The following PCYT1B variants were observed in gnomAD, a reference collection of about 807,000 sequenced individuals.
PCYT1B encodes phosphate cytidylyltransferase 1B, choline.
Under a neutral mutation model 26.4 loss-of-function variants are expected in PCYT1B, and 10 were observed. The observed-to-expected ratio is 0.38, with a 90% confidence interval of 0.23 to 0.64. The LOEUF (loss-of-function observed/expected upper bound fraction) is 0.64, where lower values mean the gene tolerates loss of function less well. PCYT1B is among the 30% of genes least tolerant of loss of function. The pLI is 0.56. For missense variants in PCYT1B, 161 were observed against 292.7 expected, an observed-to-expected ratio of 0.55 and a Z score of 3.28; for synonymous variants, 131 against 108.4, an observed-to-expected ratio of 1.21 and a Z score of -1.29.
At chrX:24,589,497 G>A (rs1278660655) in intron 4 of PCYT1B, among the ~76,000 whole-genome samples, 1 of 111,708 alleles carries the variant, frequency 9.0e-6, no homozygotes, top group Non-Finnish European at 1.9e-5. Context: ...TTTCTTTAAA[G>A]GCTGACCTGT....
chrX:24,656,756 T>C (rs1926929973), intron 1 of PCYT1B, among the ~76,000 whole-genome samples: 1 of 108,148 alleles, frequency 9.2e-6, no homozygotes, highest in African/African-American at 3.4e-5. Flanking sequence ...GGTCTCAAAC[T>C]CCTGACCTCA....
rs140555435 is a variant in PCYT1B, at chrX:24,655,500, C to A, written c.63+17070G>T. ...ATGACAAGAAAAATAAACACAGTTGCGGCCAAGTGCAGTGGCTCACGCCTG... is the reference window on the plus strand; with the variant it reads ...ATGACAAGAAAAATAAACACAGTTGAGGCCAAGTGCAGTGGCTCACGCCTG... On this transcript the variant is annotated intron_variant, in intron 1 of 7. Coordinates refer to the PCYT1B transcript ENST00000379145. Among the ~76,000 whole-genome samples, 563 of 112,211 alleles carry A rather than the reference C, an allele frequency of 5.0e-3. 2 individuals carry two copies. Among genetic ancestry groups the A allele is most frequent in the Middle Eastern group, 9.3e-3 (2 of 215 alleles).
At chrX:24,648,932 T>C (rs1926708599), upstream of PCYT1B, among the ~76,000 whole-genome samples, 1 of 111,746 alleles carries the variant, frequency 8.9e-6, no homozygotes. Flanking sequence ...TAAGGGGACA[T>C]TATTTTTATT....
At chrX:24,591,337 G>A (rs1018031886) in intron 3 of PCYT1B, among the ~76,000 whole-genome samples, 4 of 111,653 alleles carry the variant, frequency 3.6e-5, no homozygotes, top group Admixed American at 2.8e-4. Context: ...ATCCCAGTGA[G>A]AGCCTTGCGG....
chrX:24,593,217 A>G (rs1924628186), intron 3 of PCYT1B, among the ~76,000 whole-genome samples: 1 of 111,740 alleles, frequency 8.9e-6, no homozygotes, highest in Non-Finnish European at 1.9e-5. Flanking sequence ...GTAGGCTTTT[A>G]ACAATATTTG....
chrX:24,583,498 C>T (rs1397598299), intron 5 of PCYT1B, among the ~76,000 whole-genome samples: 3 of 112,290 alleles, frequency 2.7e-5, no homozygotes, highest in Non-Finnish European at 3.8e-5. Context: ...AATCAAGAGG[C>T]TCTTTTAAGT....
chrX:24,652,559 C>CA (rs371573232), intron 1 of PCYT1B, among the ~76,000 whole-genome samples: 149 of 89,936 alleles, frequency 1.7e-3, no homozygotes, highest in South Asian at 3.1e-3. Flanking sequence ...AACTCCGTCT[C>CA]AAAAAAAAAA....
chrX:24,561,963 G>C lies in PCYT1B; in HGVS notation c.*330C>G. On this transcript the variant is annotated 3_prime_UTR_variant, in exon 8 of 8. Transcript: ENST00000379144. ...CTGCCACAGGTGGTTTACTTGGTGG[G>C]GGTGGTGGAAGGACCAAAGCAGAAG... 1.6e-6 allele frequency: 1 copy of C among 644,510 alleles called. No individual in the cohort carries two copies. Among genetic ancestry groups the C allele is most frequent in the Non-Finnish European group, 2.5e-6 (1 of 404,344 alleles). The allele number at this position is 644,510 out of a possible 1,213,427, so 53.1% of individuals were successfully genotyped here.
intron 1 of PCYT1B, among the ~76,000 whole-genome samples, chrX:24,634,869 A>C (rs5986352): frequency 1.4e-4 from 15 of 110,558 alleles, no homozygotes; most frequent in Non-Finnish European, 2.8e-4. Context: ...ACTCCCTGTA[A>C]AAGTTCTGCA....
At chrX:24,638,291 A>C (rs963718889) in intron 1 of PCYT1B, among the ~76,000 whole-genome samples, 16 of 111,620 alleles carry the variant, frequency 1.4e-4, no homozygotes, top group African/African-American at 5.2e-4. Flanking sequence ...ACAGGCGCAC[A>C]CTACCAGGGC....
chrX:24,596,575 G>T (rs889384431), intron 3 of PCYT1B, among the ~76,000 whole-genome samples: 2 of 102,773 alleles, frequency 1.9e-5, no homozygotes, highest in African/African-American at 7.2e-5. Context: ...CTGGGCAACA[G>T]AGTGAGACTC....
chrX:24,646,044 A>T (rs1163743157), intron 1 of PCYT1B, among the ~76,000 whole-genome samples: 1 of 111,928 alleles, frequency 8.9e-6, no homozygotes, highest in Non-Finnish European at 1.9e-5. Flanking sequence ...AACTTGAGGG[A>T]AATCGCTAAA....
intron 1 of PCYT1B, among the ~76,000 whole-genome samples, chrX:24,657,610 A>C (rs1197767201): frequency 8.9e-6 from 1 of 112,307 alleles, no homozygotes; most frequent in South Asian, 3.7e-4. Context: ...CAAATGTAGC[A>C]AAGGTGGCTC....
intron 3 of PCYT1B, among the ~76,000 whole-genome samples, chrX:24,594,260 A>C (rs753917819): frequency 1.8e-5 from 2 of 111,588 alleles, no homozygotes; most frequent in African/African-American, 3.3e-5. Context: ...AGGGACAGGT[A>C]GTAGGGCCAT....
At chrX:24,609,089 C>T (rs1444555708) in intron 2 of PCYT1B, among the ~76,000 whole-genome samples, 1 of 111,869 alleles carries the variant, frequency 8.9e-6, no homozygotes, top group African/African-American at 3.2e-5. Flanking sequence ...TCCACGGCTA[C>T]AAACAACATA....
chrX:24,564,389 CAG>C (rs1923549775), intron 7 of PCYT1B, among the ~76,000 whole-genome samples: 1 of 103,107 alleles, frequency 9.7e-6, no homozygotes, highest in African/African-American at 3.5e-5. Flanking sequence ...TTTTTTTTGA[CAG>C]AGTCTTGCTG....
intron 5 of PCYT1B, among the ~76,000 whole-genome samples, chrX:24,583,369 C>T (rs943356770): frequency 1.8e-5 from 2 of 111,481 alleles, no homozygotes; most frequent in African/African-American, 3.3e-5. Context: ...CCAGCCCAGT[C>T]GAGCCTTCAG....
chrX:24,658,164 G>A lies in PCYT1B; in HGVS notation c.63+14406C>T, dbSNP rs1352164849. Reference sequence around the variant, plus strand: ...ATCAGGACCATCTGACGCCAGGAGGGATACATTCATTTGCAAGTAAACTAT... The same window carrying A: ...ATCAGGACCATCTGACGCCAGGAGGAATACATTCATTTGCAAGTAAACTAT... On this transcript the variant is annotated intron_variant, in intron 1 of 7. Transcript: ENST00000379145. 6.3e-5 allele frequency: 7 copies of A among 111,861 alleles called. No homozygotes were observed. In the East Asian group the frequency reaches 1.7e-3, roughly 27 times the overall value. 9.2% of individuals were successfully genotyped at this position (111,861 alleles called of 1,213,427 possible).
chrX:24,657,829 T>C (rs903390146), intron 1 of PCYT1B, among the ~76,000 whole-genome samples: 5 of 111,996 alleles, frequency 4.5e-5, no homozygotes, highest in Admixed American at 9.5e-5. Flanking sequence ...ATCCAGTTTT[T>C]CTCCTTCTAG....
Sources: gnomAD v4.1 joint callset for allele counts (sites outside exome capture counted in the v4.1 genomes callset) on GRCh38, gnomAD v4.1.1 for gene constraint, MANE v1.5 for transcripts, NCBI Gene and HGNC (gene_info 2026-07-23, HGNC 2026-07-21) for gene names.